Variants in DYNC1I1 observed in about 807,000 individuals in gnomAD.
DYNC1I1 encodes the protein dynein cytoplasmic 1 intermediate chain 1.
In DYNC1I1, 43 loss-of-function variants were observed where a neutral mutation model predicts 86.6. That is an observed-to-expected ratio of 0.50 (90% CI 0.39 to 0.64). The LOEUF (loss-of-function observed/expected upper bound fraction) is 0.64, where lower values mean the gene tolerates loss of function less well. DYNC1I1 is among the 30% of genes least tolerant of loss of function. The pLI, the probability that DYNC1I1 is intolerant of heterozygous loss-of-function variation, is 0.00. For missense variants in DYNC1I1, 604 were observed against 788.8 expected (o/e 0.77, Z 2.81); for synonymous variants, 262 against 283.7 (o/e 0.92, Z 0.77).
At chr7:96,001,206 A>G (rs1192335779) in intron 10 of DYNC1I1, among the ~76,000 whole-genome samples, 1 of 152,124 alleles carries the variant, frequency 6.6e-6, no homozygotes, top group Admixed American at 6.5e-5. Flanking sequence ...TCATTCAGGA[A>G]GTATCCTGGG....
intron 4 of DYNC1I1, among the ~76,000 whole-genome samples, chr7:95,814,360 T>C (rs1027478085): frequency 4.6e-5 from 7 of 152,162 alleles, no homozygotes; most frequent in Non-Finnish European, 8.8e-5. Flanking sequence ...AAAAAAATCA[T>C]AAAATGCTTT....
chr7:95,928,977 C>CA (rs1456409268), intron 6 of DYNC1I1, among the ~76,000 whole-genome samples: 7 of 152,282 alleles, frequency 4.6e-5, no homozygotes, highest in African/African-American at 1.4e-4. Flanking sequence ...ACCGGTATTA[C>CA]ACAGTTGATA....
At chr7:95,881,598 A>G (rs1398539320) in intron 6 of DYNC1I1, among the ~76,000 whole-genome samples, 1 of 152,188 alleles carries the variant, frequency 6.6e-6, no homozygotes, top group Non-Finnish European at 1.5e-5. Context: ...TTGTAGTGTG[A>G]CATTTGTTTT....
intron 1 of DYNC1I1, among the ~76,000 whole-genome samples, chr7:95,778,474 C>T (rs918740399): frequency 1.3e-5 from 2 of 152,150 alleles, no homozygotes; most frequent in African/African-American, 4.8e-5. Flanking sequence ...GGCCCATTGC[C>T]TTTTGTGTAT....
At chr7:95,969,795 T>G (rs2115574537) in intron 6 of DYNC1I1, among the ~76,000 whole-genome samples, 1 of 152,238 alleles carries the variant, frequency 6.6e-6, no homozygotes. Context: ...GTTAGAGCCT[T>G]AGGAGAGATC....
intron 6 of DYNC1I1, among the ~76,000 whole-genome samples, chr7:95,920,060 A>G (rs1791570438): frequency 1.3e-5 from 2 of 152,224 alleles, no homozygotes; most frequent in Non-Finnish European, 2.9e-5. Context: ...GGGGTTGTGC[A>G]TAGCAACTCC....
At chr7:95,979,792 A>G (rs62467719) in intron 7 of DYNC1I1, among the ~76,000 whole-genome samples, 1 of 152,110 alleles carries the variant, frequency 6.6e-6, no homozygotes, top group South Asian at 2.1e-4. Context: ...CACAGAAGAC[A>G]CAAGGCTTAC....
intron 6 of DYNC1I1, among the ~76,000 whole-genome samples, chr7:95,947,571 G>A (rs112709025): frequency 4.5e-3 from 678 of 152,152 alleles, no homozygotes; most frequent in Middle Eastern, 0.017. Context: ...GATAGCTCAG[G>A]ACCAGCTCTC....
rs1584236314 is a variant in DYNC1I1, at chr7:95,995,802, C to T, written c.844-146C>T. ...GCAGAAACAAGATTGCAGGAGGTTG[C>T]AGCAGTAAGCTGATAGTAGGTATGC... On this transcript the variant is annotated intron_variant, in intron 9 of 16. Transcript: ENST00000447467. 5.3e-6 allele frequency: 6 copies of T among 1,138,296 alleles called. No homozygotes were observed. In the East Asian group the frequency reaches 1.6e-4, roughly 30 times the overall value. The allele number at this position is 1,138,296 out of a possible 1,614,324, so 70.5% of individuals were successfully genotyped here. A position where few individuals can be genotyped will look rare whatever the true frequency, so the allele number is the denominator to read the frequency against.
intron 5 of DYNC1I1, among the ~76,000 whole-genome samples, chr7:95,828,684 C>G (rs1349949593): frequency 2.0e-5 from 3 of 152,054 alleles, no homozygotes; most frequent in Admixed American, 1.3e-4. Flanking sequence ...GTAATGTCTC[C>G]TATGTCCTAA....
chr7:95,962,967 T>A (rs1399286628), intron 6 of DYNC1I1, among the ~76,000 whole-genome samples: 1 of 152,188 alleles, frequency 6.6e-6, no homozygotes, highest in Non-Finnish European at 1.5e-5. Context: ...ATAGCAAATG[T>A]GAATGACTCT....
chr7:95,905,198 A>G (rs922437572), intron 6 of DYNC1I1, among the ~76,000 whole-genome samples: 1 of 151,122 alleles, frequency 6.6e-6, no homozygotes, highest in African/African-American at 2.4e-5. Flanking sequence ...ATAAACCATG[A>G]CAGGCAACAG....
intron 6 of DYNC1I1, among the ~76,000 whole-genome samples, chr7:95,963,576 T>C (rs1792929477): frequency 6.6e-6 from 1 of 152,176 alleles, no homozygotes; most frequent in South Asian, 2.1e-4. Context: ...CCATTCTGAA[T>C]AGGACAATAG....
intron 6 of DYNC1I1, among the ~76,000 whole-genome samples, chr7:95,916,425 A>G (rs2116360607): frequency 6.6e-6 from 1 of 152,330 alleles, no homozygotes; most frequent in Admixed American, 6.5e-5. Flanking sequence ...GTTTATTTGA[A>G]CAGTTTCCTC....
At chr7:95,960,117 T>G (rs1562956490) in intron 6 of DYNC1I1, among the ~76,000 whole-genome samples, 1 of 151,914 alleles carries the variant, frequency 6.6e-6, no homozygotes, top group Non-Finnish European at 1.5e-5. Context: ...TTTTGTTTTG[T>G]TTTTTTGAGA....
At chr7:95,859,591 G>C (rs1426598266) in intron 5 of DYNC1I1, among the ~76,000 whole-genome samples, 2 of 151,808 alleles carry the variant, frequency 1.3e-5, no homozygotes, top group Non-Finnish European at 2.9e-5. Context: ...GGCGGCTTCA[G>C]CAGGCTGAAA....
chr7:96,062,603 CT>C (rs1454796448), intron 14 of DYNC1I1, among the ~76,000 whole-genome samples: 1 of 152,064 alleles, frequency 6.6e-6, no homozygotes. Flanking sequence ...GAGCCTTTGC[CT>C]TGCTGTTTGA....
At chr7:96,026,879 G>A (rs962595149) in intron 10 of DYNC1I1, among the ~76,000 whole-genome samples, 4 of 151,682 alleles carry the variant, frequency 2.6e-5, no homozygotes, top group African/African-American at 9.7e-5. Context: ...CTCACACACA[G>A]AGACACACCC....
rs941942853 is a variant in DYNC1I1 at position 95,930,333 on chromosome 7, T to G, written c.491-47179T>G. ...TTGTCAATCTAACTTGTTGCTGGTG[T>G]CTTAATTTCCAGCATATCTGAGAGG... is the stretch of plus-strand genomic sequence containing the variant. On this transcript the variant is annotated intron_variant, in intron 6 of 16. Coordinates refer to ENST00000447467, the MANE Select transcript of DYNC1I1 (RefSeq NM_001135556.2). Among the ~76,000 whole-genome samples the G allele has an allele frequency of 9.8e-5, 15 of 152,358 alleles. No individual in the cohort carries two copies. The South Asian group carries it at 1.9e-3, about 19-fold the overall frequency.
Sources: allele counts gnomAD v4.1 joint callset (sites outside exome capture counted in the v4.1 genomes callset), GRCh38; gene constraint gnomAD v4.1.1; transcripts MANE v1.5; gene names NCBI Gene and HGNC (gene_info 2026-07-23, HGNC 2026-07-21).